Variants in LSM1 observed in about 807,000 individuals in gnomAD.
The protein encoded by LSM1 is U6 snRNA-associated Sm-like protein LSm1.
A neutral mutation model predicts 18.0 loss-of-function variants in LSM1; 13 were observed. That is an observed-to-expected ratio of 0.72 (90% CI 0.47 to 1.15). The LOEUF (loss-of-function observed/expected upper bound fraction) is 1.15. Among genes scored for constraint, LSM1 ranks in the 50% most tolerant of loss-of-function variants. LSM1 has a pLI of 0.00. For missense variants in LSM1, 152 were observed against 157.7 expected (o/e 0.96, Z 0.19); for synonymous variants, 46 against 56.0 (o/e 0.82, Z 0.80).
At chr8:38,176,172 CG>C in intron 1 of LSM1, 102 bp downstream of exon 1, 2 of 964,212 alleles carry the variant, frequency 2.1e-6, no homozygotes, top group South Asian at 2.9e-5. Flanking sequence ...CAGAACACAC[CG>C]GCCCCGCCCG....
At chr8:38,164,382 T>C (rs1460622976) in intron 3 of LSM1, among the ~76,000 whole-genome samples, 1 of 151,978 alleles carries the variant, frequency 6.6e-6, no homozygotes. Context: ...AATCCCATAT[T>C]AGTCAGGATT....
intron 1 of LSM1, 130 bp from the exon 2 acceptor site, chr8:38,172,163 G>GAAAACTGAA: frequency 1.5e-6 from 1 of 660,148 alleles, no homozygotes; most frequent in Admixed American, 2.9e-5. Flanking sequence ...AAGTTCATTG[G>GAAAACTGAA]AAAACTGAAA....
intron 2 of LSM1, among the ~76,000 whole-genome samples, chr8:38,170,514 T>C (rs1287052511): frequency 6.6e-6 from 1 of 151,950 alleles, no homozygotes; most frequent in Non-Finnish European, 1.5e-5. Flanking sequence ...AAAAAAACCA[T>C]AGGAAAATAT....
intron 2 of LSM1, chr8:38,171,106 G>T: frequency 3.0e-6 from 1 of 338,770 alleles, no homozygotes; most frequent in South Asian, 2.2e-5. Context: ...ATCCCTATAT[G>T]TAAAGTATTA....
At chr8:38,164,967 C>T (rs765953605) in intron 3 of LSM1, among the ~76,000 whole-genome samples, 5 of 152,178 alleles carry the variant, frequency 3.3e-5, no homozygotes, top group Admixed American at 2.0e-4. Flanking sequence ...TTTCCCTTTA[C>T]GGCAACAAGT....
intron 3 of LSM1, chr8:38,165,986 A>G (rs1404491284): frequency 3.3e-5 from 5 of 152,332 alleles, no homozygotes. Flanking sequence ...TGAATGTTTT[A>G]TAAACATTTT....
intron 3 of LSM1, among the ~76,000 whole-genome samples, chr8:38,168,001 G>T (rs530660902): frequency 6.7e-6 from 1 of 149,782 alleles, no homozygotes; most frequent in South Asian, 2.1e-4. Context: ...TTGCTCTGTC[G>T]CCCAGGCTGG....
chr8:38,173,818 T>C (rs1039516058), intron 1 of LSM1, among the ~76,000 whole-genome samples: 2 of 152,158 alleles, frequency 1.3e-5, no homozygotes, highest in Non-Finnish European at 2.9e-5. Context: ...CAATTTTGGA[T>C]AAATCTACAA....
chr8:38,165,770 A>C (rs1420033493), intron 3 of LSM1, among the ~76,000 whole-genome samples: 1 of 151,902 alleles, frequency 6.6e-6, no homozygotes, highest in Non-Finnish European at 1.5e-5. Flanking sequence ...AGTCCCAGCT[A>C]CTCATGAGGC....
intron 2 of LSM1, among the ~76,000 whole-genome samples, chr8:38,171,697 C>T (rs1484791752): frequency 6.6e-6 from 1 of 152,104 alleles, no homozygotes; most frequent in Non-Finnish European, 1.5e-5. Flanking sequence ...CAAGCCTCTT[C>T]GGTGGACTGA....
chr8:38,169,362 C>A (rs1441748402), intron 3 of LSM1, among the ~76,000 whole-genome samples: 1 of 152,098 alleles, frequency 6.6e-6, no homozygotes, highest in African/African-American at 2.4e-5. Context: ...ACTCCATTCT[C>A]GGGATAGGTA....
chr8:38,174,658 T>A (rs1803087147), intron 1 of LSM1, among the ~76,000 whole-genome samples: 1 of 152,056 alleles, frequency 6.6e-6, no homozygotes, highest in Non-Finnish European at 1.5e-5. Context: ...TTCATATAGA[T>A]GTTAATATAT....
At chr8:38,165,785 G>T (rs571601852) in intron 3 of LSM1, among the ~76,000 whole-genome samples, 94 of 152,056 alleles carry the variant, frequency 6.2e-4, no homozygotes, top group African/African-American at 2.2e-3. Context: ...TGAGGCTGAG[G>T]GGGGAGGATC....
intron 2 of LSM1, among the ~76,000 whole-genome samples, chr8:38,171,405 G>T (rs917223025): frequency 6.6e-6 from 1 of 152,214 alleles, no homozygotes; most frequent in African/African-American, 2.4e-5. Flanking sequence ...CTAAAACCAT[G>T]AGGAGCAGAA....
intron 3 of LSM1, chr8:38,166,061 C>T (rs1024746955): frequency 3.3e-5 from 5 of 152,274 alleles, no homozygotes; most frequent in Admixed American, 6.6e-5. Context: ...AAGCAGGGGC[C>T]GTGCTAATCT....
chr8:38,176,035 T>G, intron 1 of LSM1: 1 of 439,326 alleles, frequency 2.3e-6, no homozygotes. Flanking sequence ...GTTCCATCGC[T>G]TGGGGCTCAC....
At position 38,165,363 on chromosome 8, in the gene LSM1, C is replaced by A. The variant is rs1221661783; in HGVS notation, c.232-1523G>T. 6.0e-5 allele frequency among the ~76,000 whole-genome samples: 9 copies of A among 148,924 alleles called. No homozygotes were observed. The East Asian group carries it at 1.4e-3, about 23-fold the overall frequency. On this transcript the variant is annotated intron_variant, in intron 3 of 3. Coordinates refer to ENST00000311351, the MANE Select transcript of LSM1 (RefSeq NM_014462.3). ...AGTAAAACTCCATCTCAAAAAAAAA[C>A]AAAAAATTGTTGCCTAATAAAAAAT... is the stretch of plus-strand genomic sequence containing the variant.
At chr8:38,172,978 C>A (rs931025885) in intron 1 of LSM1, among the ~76,000 whole-genome samples, 1 of 152,108 alleles carries the variant, frequency 6.6e-6, no homozygotes, top group African/African-American at 2.4e-5. Flanking sequence ...AGAAAATAAC[C>A]TATTGTGATT....
At position 38,163,710 on chromosome 8, in the gene LSM1, C is replaced by A; in HGVS notation, c.362G>T (p.Gly121Val). ...AGTATCTGCTCGAGGAATGGAAAGA[C>A]CTCGGTCCTTCAGGGCCTGCACTTT... ...KLKVQALKDRGLSIPRADTLD... is the reference protein window; with the variant it reads ...KLKVQALKDRVLSIPRADTLD... The change falls in exon 4 of 4, where the codon GGT becomes GTT. Residue 121 changes from glycine (G) to valine (V), a missense_variant. Physicochemically the swap from Gly to Val is moderately radical, Grantham distance 109 (BLOSUM62 -3). Transcript: ENST00000311351. The A allele has an allele frequency of 6.2e-7, 1 of 1,614,180 alleles. No individual in the cohort carries two copies. The highest frequency in any genetic ancestry group is 1.3e-5 in the African/African-American group (1 of 75,048).
Sources: allele counts gnomAD v4.1 joint callset (sites outside exome capture counted in the v4.1 genomes callset), GRCh38; gene constraint gnomAD v4.1.1; transcripts MANE v1.5; gene names NCBI Gene and HGNC (gene_info 2026-07-23, HGNC 2026-07-21).